The following TMPRSS11B variants were observed in gnomAD, a reference collection of about 807,000 sequenced individuals.
TMPRSS11B encodes transmembrane protease serine 11B.
A neutral mutation model predicts 44.7 loss-of-function variants in TMPRSS11B; 53 were observed. The ratio of observed to expected loss-of-function variants is 1.19; its 90% CI spans 0.95 to 1.49. The LOEUF (loss-of-function observed/expected upper bound fraction) is 1.49, where lower values mean the gene tolerates loss of function less well. TMPRSS11B is among the 40% of genes most tolerant of loss of function. The pLI, the probability that TMPRSS11B is intolerant of heterozygous loss-of-function variation, is 0.00. For missense variants in TMPRSS11B, 526 were observed against 494.8 expected, an observed-to-expected ratio of 1.06 and a Z score of -0.60; for synonymous variants, 140 against 159.2, an observed-to-expected ratio of 0.88 and a Z score of 0.91.
intron 7 of TMPRSS11B, 21 bp downstream of exon 7, chr4:68,231,182 T>G: frequency 2.5e-6 from 4 of 1,590,040 alleles, no homozygotes; most frequent in Non-Finnish European, 3.4e-6. Context: ...ATCCTTCATT[T>G]AGTCAAATTT....
chr4:68,233,490 A>C (rs898180018), intron 5 of TMPRSS11B, among the ~76,000 whole-genome samples: 2 of 152,106 alleles, frequency 1.3e-5, no homozygotes, highest in Admixed American at 1.3e-4. Context: ...TTCTGTAAGG[A>C]GGCAAAATCT....
At chr4:68,236,701 C>A (rs1306124661) in intron 2 of TMPRSS11B, among the ~76,000 whole-genome samples, 3 of 152,142 alleles carry the variant, frequency 2.0e-5, no homozygotes, top group African/African-American at 7.2e-5. Flanking sequence ...TGAGTATGCA[C>A]TAGATATAAA....
At chr4:68,237,046 G>C (rs1161427592) in intron 2 of TMPRSS11B, among the ~76,000 whole-genome samples, 1 of 151,660 alleles carries the variant, frequency 6.6e-6, no homozygotes, top group Non-Finnish European at 1.5e-5. Flanking sequence ...CCATCAACCT[G>C]CCATCTACAT....
intron 7 of TMPRSS11B, 74 bp from the exon 8 acceptor site, chr4:68,229,590 T>C (rs1180454867): frequency 7.2e-7 from 1 of 1,391,476 alleles, no homozygotes; most frequent in African/African-American, 1.4e-5. Context: ...GATTATCTCA[T>C]AATTTTAAGG....
chr4:68,239,396 T>C (rs1719763125), intron 2 of TMPRSS11B, among the ~76,000 whole-genome samples: 1 of 152,140 alleles, frequency 6.6e-6, no homozygotes, highest in Non-Finnish European at 1.5e-5. Flanking sequence ...TCCAGCTATT[T>C]AGAAGCCAGG....
At chr4:68,235,534 A>C (rs1719634860) in intron 4 of TMPRSS11B, among the ~76,000 whole-genome samples, 1 of 152,142 alleles carries the variant, frequency 6.6e-6, no homozygotes, top group Non-Finnish European at 1.5e-5. Context: ...GTCTAGACAA[A>C]TGTTGTCTTA....
chr4:68,229,687 C>G (rs1719456790), intron 7 of TMPRSS11B, 171 bp from the exon 8 acceptor site: 2 of 555,102 alleles, frequency 3.6e-6, no homozygotes, highest in Non-Finnish European at 6.0e-6. Flanking sequence ...ATGTTGCAGT[C>G]ACTTAAAAAT....
chr4:68,232,225 G>T, intron 6 of TMPRSS11B, 153 bp downstream of exon 6: 1 of 508,382 alleles, frequency 2.0e-6, no homozygotes, highest in South Asian at 4.2e-5. Flanking sequence ...GTTTTTCAAA[G>T]AGAAATTCTA....
chr4:68,228,851 A>G lies in TMPRSS11B; in HGVS notation c.980T>C (p.Leu327Ser). 6.2e-7 allele frequency: 1 copy of G among 1,613,572 alleles called. No homozygotes were observed. The highest frequency in any genetic ancestry group is 8.5e-7 in the Non-Finnish European group (1 of 1,179,774). Residue 327 changes from leucine (L) to serine (S), a missense_variant, in exon 9 of 10, where the codon TTG becomes TCG. Leu to Ser is a moderately radical substitution (Grantham distance 145). Coordinates refer to ENST00000332644, the MANE Select transcript of TMPRSS11B (RefSeq NM_182502.3). Reference protein sequence around the residue: ...SFPVILQEDFLKIIDNKICNA... With the variant: ...SFPVILQEDFSKIIDNKICNA... ...GCAAATTTTGTTGTCAATAATCTTC[A>G]AAAAGTCTTCTTGAAGTATCACTGG...
chr4:68,236,289 C>A (rs1719664670), intron 2 of TMPRSS11B, 23 bp from the exon 3 acceptor site: 1 of 1,365,840 alleles, frequency 7.3e-7, no homozygotes, highest in Non-Finnish European at 1.0e-6. Context: ...GAAAAAAAAA[C>A]CTCAAAGAAT....
At chr4:68,229,620 A>C in intron 7 of TMPRSS11B, 104 bp from the exon 8 acceptor site, 1 of 982,674 alleles carries the variant, frequency 1.0e-6, no homozygotes, top group Non-Finnish European at 1.5e-6. Context: ...CCCAAACAAA[A>C]CTATAAACCA....
chr4:68,239,966 T>C (rs917636144), intron 2 of TMPRSS11B, among the ~76,000 whole-genome samples: 9 of 152,212 alleles, frequency 5.9e-5, no homozygotes, highest in African/African-American at 9.6e-5. Flanking sequence ...GGAAATAGCA[T>C]TGTTAAGTAA....
intron 2 of TMPRSS11B, 47 bp from the exon 3 acceptor site, chr4:68,236,313 G>A (rs1278772934): frequency 7.8e-7 from 1 of 1,287,300 alleles, no homozygotes; most frequent in Non-Finnish European, 1.1e-6. Context: ...AAAGTGGAAA[G>A]TGACTTTAAA....
intron 6 of TMPRSS11B, 99 bp downstream of exon 6, chr4:68,232,279 G>T: frequency 1.7e-6 from 2 of 1,174,276 alleles, no homozygotes; most frequent in South Asian, 1.4e-5. Context: ...GCGTGTTATG[G>T]GATTTCCACA....
chr4:68,237,561 G>T (rs1719706401), intron 2 of TMPRSS11B, among the ~76,000 whole-genome samples: 1 of 152,158 alleles, frequency 6.6e-6, no homozygotes, highest in African/African-American at 2.4e-5. Context: ...ACTCCCAACA[G>T]TGTAAAAGCA....
Position 68,231,359 on chromosome 4 carries a change from T to C in TMPRSS11B, c.530A>G (p.Asn177Ser), listed in dbSNP as rs1000492837. The C allele has an allele frequency of 5.6e-6, 9 of 1,613,150 alleles. No homozygotes were observed. Among genetic ancestry groups the C allele is most frequent in the Admixed American group, 1.7e-5 (1 of 59,880 alleles). Residue 177 changes from asparagine to serine, a missense_variant, in exon 7 of 10, where the codon AAC becomes AGC. Physicochemically the swap from Asn to Ser is conservative, Grantham distance 46. Coordinates refer to ENST00000332644, the MANE Select transcript of TMPRSS11B (RefSeq NM_182502.3). The stretch of plus-strand genomic sequence containing the variant: ...AATTTTGTTGCCAGTTATGATACTG[T>C]TGGCTACTTGTCTCCCACAACCTAG... Reference protein sequence around the residue: ...TNNCCGRQVANSIITGNKIVN... With the variant: ...TNNCCGRQVASSIITGNKIVN...
intron 4 of TMPRSS11B, 112 bp from the exon 5 acceptor site, chr4:68,234,735 G>T: frequency 5.5e-6 from 6 of 1,093,558 alleles, no homozygotes; most frequent in South Asian, 1.5e-5. Context: ...ATATATTAAA[G>T]AAAAATATAC....
chr4:68,236,474 C>T (rs1479873029), intron 2 of TMPRSS11B, among the ~76,000 whole-genome samples: 1 of 152,148 alleles, frequency 6.6e-6, no homozygotes, highest in East Asian at 1.9e-4. Context: ...TCTGCCTCAA[C>T]ATTCAACCCA....
intron 4 of TMPRSS11B, among the ~76,000 whole-genome samples, chr4:68,234,873 T>G (rs546143612): frequency 6.6e-6 from 1 of 152,250 alleles, no homozygotes; most frequent in Admixed American, 6.5e-5. Flanking sequence ...TCAAACACTA[T>G]GGGAAATGGA....
Sources: allele counts gnomAD v4.1 joint callset (sites outside exome capture counted in the v4.1 genomes callset), GRCh38; gene constraint gnomAD v4.1.1; transcripts MANE v1.5; gene names NCBI Gene and HGNC (gene_info 2026-07-23, HGNC 2026-07-21).